MAEL: variants seen among roughly 807,000 people sequenced by gnomAD.
MAEL encodes the protein protein maelstrom homolog.
MAEL carries 46 observed loss-of-function variants against 62.0 expected under a neutral mutation model. The ratio of observed to expected loss-of-function variants is 0.74; its 90% CI spans 0.59 to 0.95. The LOEUF (loss-of-function observed/expected upper bound fraction) is 0.95. Among genes scored for constraint, MAEL ranks in the 40% least tolerant of loss-of-function variants. The pLI is 0.00. For missense variants in MAEL, 497 were observed against 526.8 expected (o/e 0.94, Z 0.55); for synonymous variants, 172 against 175.5 (o/e 0.98, Z 0.16).
At chr1:166,978,861 A>G (rs1168986558) in intron 1 of MAEL, among the ~76,000 whole-genome samples, 1 of 152,200 alleles carries the variant, frequency 6.6e-6, no homozygotes, top group Admixed American at 6.5e-5. Flanking sequence ...TTTCTACTGC[A>G]ATGAGACAAA....
chr1:167,000,096 C>T (rs529481024), intron 5 of MAEL, among the ~76,000 whole-genome samples: 1 of 152,124 alleles, frequency 6.6e-6, no homozygotes, highest in Admixed American at 6.5e-5. Context: ...TTCTGTAGCC[C>T]ATGGATCAAG....
rs949530530 is a variant in MAEL at position 166,991,468 on chromosome 1, G to C, written c.316G>C (p.Gly106Arg). 1 of 1,602,230 alleles carries C rather than the reference G, an allele frequency of 6.2e-7. No individual in the cohort carries two copies. Among genetic ancestry groups the C allele is most frequent in the Non-Finnish European group, 8.6e-7 (1 of 1,169,556 alleles). Residue 106 changes from glycine (G) to arginine (R), a missense_variant, in exon 3 of 12, where the codon GGT becomes CGT. Gly to Arg is a moderately radical substitution (Grantham distance 125). Coordinates refer to ENST00000367872, the MANE Select transcript of MAEL (RefSeq NM_032858.3). ...AGATATGTCAGCTTTGTCTTTAAAA[G>C]GTGATCAAGGTAGAGTAATCCTGAA... ...PPDMSALSLK[G>R]DQALLGGIFY...
chr1:166,994,467 A>G (rs1452982763), intron 5 of MAEL, among the ~76,000 whole-genome samples: 2 of 152,136 alleles, frequency 1.3e-5, no homozygotes, highest in East Asian at 3.8e-4. Context: ...TAGATAAGGA[A>G]AACAGTTTTC....
upstream of MAEL, among the ~76,000 whole-genome samples, chr1:166,985,004 T>C (rs1404284583): frequency 6.6e-6 from 1 of 152,200 alleles, no homozygotes; most frequent in Non-Finnish European, 1.5e-5. Flanking sequence ...ATCCAGTAGC[T>C]TGAAACAAAA....
chr1:167,001,694 T>A (rs533332687), intron 5 of MAEL, among the ~76,000 whole-genome samples: 1 of 152,226 alleles, frequency 6.6e-6, no homozygotes, highest in Non-Finnish European at 1.5e-5. Flanking sequence ...TATGTTTATA[T>A]TCCCTATCTG....
intron 5 of MAEL, among the ~76,000 whole-genome samples, chr1:166,999,846 A>T (rs1285026153): frequency 6.6e-6 from 1 of 152,194 alleles, no homozygotes; most frequent in Non-Finnish European, 1.5e-5. Context: ...TTAGGAAATT[A>T]TGCTAAATTG....
chr1:166,979,529 A>T (rs1663696227), intron 1 of MAEL, among the ~76,000 whole-genome samples: 1 of 152,246 alleles, frequency 6.6e-6, no homozygotes, highest in Non-Finnish European at 1.5e-5. Flanking sequence ...AAATGCTTTA[A>T]AGAAAGGAAA....
upstream of MAEL, among the ~76,000 whole-genome samples, chr1:166,984,163 C>G (rs1024298268): frequency 6.6e-6 from 1 of 152,130 alleles, no homozygotes; most frequent in Non-Finnish European, 1.5e-5. Flanking sequence ...GTTACTCAAG[C>G]CAAAATCCTA....
intron 5 of MAEL, among the ~76,000 whole-genome samples, chr1:167,002,995 G>C (rs571392972): frequency 1.3e-5 from 2 of 151,990 alleles, no homozygotes; most frequent in African/African-American, 4.8e-5. Context: ...TTCATTCACC[G>C]CATTTTTGTC....
At chr1:167,005,829 C>T (rs1037248989) in intron 8 of MAEL, 3 of 152,460 alleles carry the variant, frequency 2.0e-5, no homozygotes, top group African/African-American at 7.2e-5. Flanking sequence ...CATTTTAATA[C>T]ATTTTCTTTA....
At chr1:167,003,801 A>T (rs1376416865) in intron 5 of MAEL, among the ~76,000 whole-genome samples, 1 of 152,154 alleles carries the variant, frequency 6.6e-6, no homozygotes, top group Non-Finnish European at 1.5e-5. Context: ...TAAAGCAGTC[A>T]TTACTGTTAA....
upstream of MAEL, chr1:166,989,248 G>C: frequency 7.0e-7 from 1 of 1,421,196 alleles, no homozygotes; most frequent in Admixed American, 2.3e-5. Flanking sequence ...GCCGAGAGTT[G>C]CGGGCTGCGT....
chr1:167,004,374 T>G, intron 6 of MAEL, 70 bp downstream of exon 6: 1 of 1,427,524 alleles, frequency 7.0e-7, no homozygotes, highest in Non-Finnish European at 9.4e-7. Flanking sequence ...AAACAAAGAA[T>G]TTTTGCCTGT....
At chr1:167,009,769 T>A (rs1017246551) in intron 8 of MAEL, among the ~76,000 whole-genome samples, 1 of 152,116 alleles carries the variant, frequency 6.6e-6, no homozygotes, top group Admixed American at 6.6e-5. Flanking sequence ...CTTCAGTTTC[T>A]CTTATTAACT....
chr1:167,011,639 GAA>G (rs1162573324), intron 8 of MAEL, among the ~76,000 whole-genome samples: 1 of 152,122 alleles, frequency 6.6e-6, no homozygotes, highest in African/African-American at 2.4e-5. Context: ...GAGGTCAAAA[GAA>G]AGTTTTCAGG....
At position 167,017,976 on chromosome 1, in the gene MAEL, T is replaced by C; in HGVS notation, c.1041+17T>C. 3 of 1,611,270 alleles carry C rather than the reference T, an allele frequency of 1.9e-6. No homozygotes were observed. The highest frequency in any genetic ancestry group is 2.5e-6 in the Non-Finnish European group (3 of 1,178,332). On this transcript the variant is annotated intron_variant, in intron 10 of 11. Coordinates refer to ENST00000367872, the MANE Select transcript of MAEL (RefSeq NM_032858.3). The stretch of plus-strand genomic sequence containing the variant: ...CGTTACCAGGTAAGGAACTGACTTT[T>C]AAGAGCTGCTGGTCTCTTTAGCTGT...
At chr1:167,015,859 G>A (rs1466062454) in intron 8 of MAEL, among the ~76,000 whole-genome samples, 1 of 152,008 alleles carries the variant, frequency 6.6e-6, no homozygotes, top group Non-Finnish European at 1.5e-5. Flanking sequence ...AGTTTTGTGT[G>A]GACAATAATT....
intron 5 of MAEL, among the ~76,000 whole-genome samples, chr1:166,998,337 A>T (rs1323754366): frequency 6.6e-6 from 1 of 152,136 alleles, no homozygotes; most frequent in Non-Finnish European, 1.5e-5. Flanking sequence ...TCTGAATATC[A>T]TTTGTTAAAT....
At chr1:167,000,276 C>A (rs1664604758) in intron 5 of MAEL, among the ~76,000 whole-genome samples, 1 of 152,088 alleles carries the variant, frequency 6.6e-6, no homozygotes, top group Admixed American at 6.5e-5. Flanking sequence ...TGGAGGAGGT[C>A]AGAATATCAA....
Sources: allele counts gnomAD v4.1 joint callset (sites outside exome capture counted in the v4.1 genomes callset), GRCh38; gene constraint gnomAD v4.1.1; transcripts MANE v1.5; gene names NCBI Gene and HGNC (gene_info 2026-07-23, HGNC 2026-07-21).